KHDRBS2: variants seen among roughly 807,000 people sequenced by gnomAD.
KHDRBS2 encodes the protein KH RNA binding domain containing, signal transduction associated 2, also known as KH domain-containing, RNA-binding, signal transduction-associated protein 2.
A neutral mutation model predicts 44.3 loss-of-function variants in KHDRBS2; 26 were observed. The ratio of observed to expected loss-of-function variants is 0.59; its 90% CI spans 0.43 to 0.81. KHDRBS2 has a LOEUF of 0.81. Among genes scored for constraint, KHDRBS2 ranks in the 40% least tolerant of loss-of-function variants. The probability of loss-of-function intolerance (pLI) is 0.00; values close to 1 mark genes in which losing one functional copy is unlikely to be tolerated. For synonymous variants in KHDRBS2, 194 were observed against 151.1 expected (o/e 1.28, Z -2.08); for missense variants, 476 against 433.1 (o/e 1.10, Z -0.88).
chr6:61,990,214 G>T (rs1433843810), intron 3 of KHDRBS2, among the ~76,000 whole-genome samples: 1 of 152,080 alleles, frequency 6.6e-6, no homozygotes, highest in African/African-American at 2.4e-5. Flanking sequence ...AAATTAAGAA[G>T]AAGATAGCTG....
intron 2 of KHDRBS2, among the ~76,000 whole-genome samples, chr6:62,114,850 T>C (rs1241047445): frequency 6.6e-6 from 1 of 151,404 alleles, no homozygotes; most frequent in Non-Finnish European, 1.5e-5. Flanking sequence ...TGCATGTTGA[T>C]TACAATATGT....
chr6:61,908,730 C>T (rs1805510161), intron 4 of KHDRBS2, among the ~76,000 whole-genome samples: 2 of 151,736 alleles, frequency 1.3e-5, no homozygotes, highest in South Asian at 2.1e-4. Context: ...TTTAAATAAT[C>T]CCTAGGCCTA....
At chr6:62,135,515 A>G (rs1811323412) in intron 2 of KHDRBS2, among the ~76,000 whole-genome samples, 1 of 152,190 alleles carries the variant, frequency 6.6e-6, no homozygotes, top group Non-Finnish European at 1.5e-5. Flanking sequence ...TGACCCACGT[A>G]TACCTCTTCT....
At chr6:62,025,435 C>T (rs1032798119) in intron 3 of KHDRBS2, among the ~76,000 whole-genome samples, 12 of 151,536 alleles carry the variant, frequency 7.9e-5, no homozygotes, top group African/African-American at 2.7e-4. Flanking sequence ...TTAGAATATA[C>T]ACTATTAACT....
intron 4 of KHDRBS2, among the ~76,000 whole-genome samples, chr6:61,905,800 AT>A (rs1196248606): frequency 6.7e-6 from 1 of 150,128 alleles, no homozygotes; most frequent in African/African-American, 2.5e-5. Flanking sequence ...GTGCCACATT[AT>A]TTATAGCAAT....
At chr6:61,559,319 G>T in the KHDRBS2 span, among the ~76,000 whole-genome samples, 1 of 149,254 alleles carries the variant, frequency 6.7e-6, no homozygotes, top group Non-Finnish European at 1.5e-5. Flanking sequence ...TATGTGAATT[G>T]TGTTTCTTGT....
the KHDRBS2 span, among the ~76,000 whole-genome samples, chr6:61,576,000 C>T: frequency 4.6e-5 from 7 of 152,054 alleles, no homozygotes; most frequent in South Asian, 2.1e-4. Context: ...CATTAGGTAC[C>T]GTGTACACTG....
At chr6:61,625,869 A>G in the KHDRBS2 span, among the ~76,000 whole-genome samples, 1 of 152,356 alleles carries the variant, frequency 6.6e-6, no homozygotes, top group East Asian at 1.9e-4. Context: ...GCACTCTAAT[A>G]TGTGATAGAA....
the KHDRBS2 span, among the ~76,000 whole-genome samples, chr6:61,619,168 G>A: frequency 1.1e-4 from 17 of 151,958 alleles, no homozygotes; most frequent in Non-Finnish European, 2.1e-4. Context: ...TTGTTATATG[G>A]ATGAATTATA....
chr6:61,738,464 C>A (rs1212704248), intron 6 of KHDRBS2, among the ~76,000 whole-genome samples: 2 of 151,912 alleles, frequency 1.3e-5, no homozygotes, highest in Non-Finnish European at 2.9e-5. Context: ...CTTATAGGAT[C>A]CTTGTGAAAC....
intron 4 of KHDRBS2, among the ~76,000 whole-genome samples, chr6:61,956,165 G>T (rs1424434052): frequency 1.3e-5 from 2 of 151,846 alleles, no homozygotes; most frequent in Non-Finnish European, 2.9e-5. Flanking sequence ...CTGCACTCCA[G>T]CCTGGCAACA....
At chr6:61,671,130 A>G in the KHDRBS2 span, among the ~76,000 whole-genome samples, 1 of 151,686 alleles carries the variant, frequency 6.6e-6, no homozygotes, top group Non-Finnish European at 1.5e-5. Context: ...CCATTGTGAG[A>G]CAAAAGACAA....
intron 4 of KHDRBS2, among the ~76,000 whole-genome samples, chr6:61,918,913 G>A (rs1807514768): frequency 6.6e-6 from 1 of 151,864 alleles, no homozygotes; most frequent in Non-Finnish European, 1.5e-5. Flanking sequence ...CTGCTTTTTA[G>A]GCCTGAACAC....
intron 1 of KHDRBS2, among the ~76,000 whole-genome samples, chr6:62,229,280 C>T (rs1375567064): frequency 2.6e-5 from 4 of 152,094 alleles, no homozygotes; most frequent in Admixed American, 2.6e-4. Flanking sequence ...AAGGGGCACT[C>T]GGTCTACAGT....
chr6:61,586,068 C>A, the KHDRBS2 span, among the ~76,000 whole-genome samples: 1 of 152,158 alleles, frequency 6.6e-6, no homozygotes, highest in Non-Finnish European at 1.5e-5. Flanking sequence ...GAATTTAGGT[C>A]ACAGTCACTT....
chr6:61,776,589 T>A (rs1433654274), intron 6 of KHDRBS2, among the ~76,000 whole-genome samples: 5 of 152,116 alleles, frequency 3.3e-5, no homozygotes, highest in Non-Finnish European at 5.9e-5. Context: ...CATAATGAGA[T>A]ACCTTCTCAC....
At chr6:62,163,746 T>TG (rs943381090) in intron 2 of KHDRBS2, among the ~76,000 whole-genome samples, 2 of 151,912 alleles carry the variant, frequency 1.3e-5, no homozygotes, top group Non-Finnish European at 2.9e-5. Flanking sequence ...ATTAATATAT[T>TG]GGGGGGCTTT....
chr6:61,792,472 G>GTAGA (rs1377389333), intron 6 of KHDRBS2, among the ~76,000 whole-genome samples: 1 of 151,260 alleles, frequency 6.6e-6, no homozygotes, highest in Non-Finnish European at 1.5e-5. Flanking sequence ...GCATCTGTTG[G>GTAGA]TAGATATACC....
At chr6:62,169,034 CATATATATAT>C (rs369570219) in intron 2 of KHDRBS2, among the ~76,000 whole-genome samples, 4 of 72,582 alleles carry the variant, frequency 5.5e-5, no homozygotes, top group Non-Finnish European at 8.0e-5. Flanking sequence ...GTTCTCCAGT[CATATATATAT>C]ATATATATAT....
Sources: allele counts gnomAD v4.1 joint callset (sites outside exome capture counted in the v4.1 genomes callset), GRCh38; gene constraint gnomAD v4.1.1; transcripts MANE v1.5; gene names NCBI Gene and HGNC (gene_info 2026-07-23, HGNC 2026-07-21).